The following GPC6 variants were observed in gnomAD, a reference collection of about 807,000 sequenced individuals.
The protein encoded by GPC6 is glypican-6.
GPC6 carries 14 observed loss-of-function variants against 55.2 expected under a neutral mutation model. The ratio of observed to expected loss-of-function variants is 0.25; its 90% CI spans 0.17 to 0.40. GPC6 has a LOEUF of 0.40. GPC6 is among the 10% of genes least tolerant of loss of function. The probability of loss-of-function intolerance (pLI) is 1.00; values close to 1 mark genes in which losing one functional copy is unlikely to be tolerated. For synonymous variants in GPC6, 278 were observed against 259.6 expected (o/e 1.07, Z -0.68); for missense variants, 641 against 708.5 (o/e 0.90, Z 1.08).
intron 2 of GPC6, among the ~76,000 whole-genome samples, chr13:93,741,117 CTT>C (rs772541106): frequency 2.6e-5 from 2 of 77,184 alleles, no homozygotes; most frequent in East Asian, 3.8e-4. Flanking sequence ...CATCCAGAAT[CTT>C]TTTTTTTTTT....
chr13:94,169,021 G>T (rs7986832), intron 4 of GPC6, among the ~76,000 whole-genome samples: 1 of 152,062 alleles, frequency 6.6e-6, no homozygotes. Flanking sequence ...TTTCGTAAGA[G>T]GCTTAGGCAA....
At chr13:94,267,922 C>T (rs569482256) in intron 4 of GPC6, among the ~76,000 whole-genome samples, 79 of 152,232 alleles carry the variant, frequency 5.2e-4, no homozygotes, top group Middle Eastern at 6.8e-3. Context: ...GACCTATTTC[C>T]TAAAGGCATC....
chr13:94,255,594 A>T (rs1360634344), intron 4 of GPC6, among the ~76,000 whole-genome samples: 1 of 152,006 alleles, frequency 6.6e-6, no homozygotes, highest in African/African-American at 2.4e-5. Flanking sequence ...TATCTAAGGG[A>T]CATGATCCTT....
intron 2 of GPC6, among the ~76,000 whole-genome samples, chr13:93,590,631 C>T (rs1877419173): frequency 6.6e-6 from 1 of 151,960 alleles, no homozygotes; most frequent in Non-Finnish European, 1.5e-5. Context: ...CTAATACTTA[C>T]TAAATATTTT....
intron 3 of GPC6, among the ~76,000 whole-genome samples, chr13:93,991,848 T>C (rs1373663235): frequency 6.6e-6 from 1 of 152,190 alleles, no homozygotes; most frequent in Non-Finnish European, 1.5e-5. Flanking sequence ...CATCACTCTT[T>C]ATAAACATTA....
At chr13:93,732,196 T>C (rs564728302) in intron 2 of GPC6, among the ~76,000 whole-genome samples, 1 of 152,156 alleles carries the variant, frequency 6.6e-6, no homozygotes, top group African/African-American at 2.4e-5. Context: ...TCCCTGCAAA[T>C]TTATGCTGGG....
intron 3 of GPC6, among the ~76,000 whole-genome samples, chr13:93,920,960 C>G (rs1460725440): frequency 6.6e-6 from 1 of 152,114 alleles, no homozygotes; most frequent in East Asian, 1.9e-4. Flanking sequence ...CTTTAATTAT[C>G]AATAGTTTCC....
intron 2 of GPC6, among the ~76,000 whole-genome samples, chr13:93,566,547 G>GGT (rs1566427274): frequency 7.7e-4 from 25 of 32,476 alleles, no homozygotes; most frequent in Non-Finnish European, 2.1e-3. Context: ...TTTTTTGCTT[G>GGT]TTTTTTTTTA....
At chr13:93,786,798 G>C (rs1459025379) in intron 2 of GPC6, among the ~76,000 whole-genome samples, 3 of 152,066 alleles carry the variant, frequency 2.0e-5, no homozygotes, top group Non-Finnish European at 4.4e-5. Flanking sequence ...GGTTAATAAA[G>C]ACTATCAGTG....
chr13:93,613,356 G>T (rs919209180), intron 2 of GPC6, among the ~76,000 whole-genome samples: 11 of 152,136 alleles, frequency 7.2e-5, no homozygotes, highest in African/African-American at 2.7e-4. Flanking sequence ...GTGGTGGGGA[G>T]TCTGGGCTCT....
chr13:94,065,178 A>G (rs950593925), intron 4 of GPC6, among the ~76,000 whole-genome samples: 5 of 152,134 alleles, frequency 3.3e-5, no homozygotes, highest in Non-Finnish European at 7.4e-5. Context: ...CGCATGGCAT[A>G]TGCTTTGCCT....
chr13:93,879,950 A>C (rs1004759528), intron 3 of GPC6, among the ~76,000 whole-genome samples: 8 of 151,070 alleles, frequency 5.3e-5, no homozygotes, highest in African/African-American at 1.9e-4. Flanking sequence ...TGCAGCCAAA[A>C]AACACATGAA....
At chr13:93,797,193 C>T (rs1443165099) in intron 2 of GPC6, among the ~76,000 whole-genome samples, 1 of 152,100 alleles carries the variant, frequency 6.6e-6, no homozygotes, top group Non-Finnish European at 1.5e-5. Flanking sequence ...TTCCCTTTGC[C>T]TAGGGCGGAA....
chr13:93,482,335 C>T (rs1281627311), intron 1 of GPC6, among the ~76,000 whole-genome samples: 1 of 151,914 alleles, frequency 6.6e-6, no homozygotes, highest in Admixed American at 6.6e-5. Flanking sequence ...TTATTTCTTC[C>T]TTTCCAAACT....
chr13:93,719,725 A>G (rs1463947821), intron 2 of GPC6, among the ~76,000 whole-genome samples: 1 of 152,086 alleles, frequency 6.6e-6, no homozygotes. Context: ...CATATTTGTC[A>G]TAAATAGCTC....
At chr13:93,417,513 A>G (rs1414990854) in intron 1 of GPC6, among the ~76,000 whole-genome samples, 1 of 152,030 alleles carries the variant, frequency 6.6e-6, no homozygotes, top group Non-Finnish European at 1.5e-5. Flanking sequence ...TTTTTCTGTG[A>G]GTTACTGTTC....
rs1436664239 is a variant in GPC6, at chr13:93,493,613, T to G, written c.161-51650T>G. ...TCTTCTAGTTCTTTTAATTGTGATG[T>G]TAGGGTGTCAATTTTGGATCTTTCC... On this transcript the variant is annotated intron_variant, in intron 1 of 8. Transcript: ENST00000377047. 2.9e-5 allele frequency among the ~76,000 whole-genome samples: 4 copies of G among 137,988 alleles called. No individual in the cohort carries two copies. In the Admixed American group the frequency reaches 2.9e-4, roughly 10 times the overall value. The allele number at this position is 137,988 out of a possible 152,430, so 90.5% of individuals were successfully genotyped here.
intron 2 of GPC6, among the ~76,000 whole-genome samples, chr13:93,772,507 CAG>C (rs1357345959): frequency 6.6e-6 from 1 of 151,686 alleles, no homozygotes; most frequent in Non-Finnish European, 1.5e-5. Flanking sequence ...TTGTGATGAG[CAG>C]AGAGGCATCA....
intron 4 of GPC6, among the ~76,000 whole-genome samples, chr13:94,242,999 A>G (rs1891099346): frequency 6.6e-6 from 1 of 152,028 alleles, no homozygotes; most frequent in African/African-American, 2.4e-5. Flanking sequence ...TTTCAACTAC[A>G]TGAGTTTTAA....
Sources: gnomAD v4.1 joint callset for allele counts (sites outside exome capture counted in the v4.1 genomes callset) on GRCh38, gnomAD v4.1.1 for gene constraint, MANE v1.5 for transcripts, NCBI Gene and HGNC (gene_info 2026-07-23, HGNC 2026-07-21) for gene names.